Variants in ASCC3 observed in about 807,000 individuals in gnomAD.
ASCC3 encodes ASC-1 complex subunit P200.
Under a neutral mutation model 256.3 loss-of-function variants are expected in ASCC3, and 158 were observed. The ratio of observed to expected loss-of-function variants is 0.62; its 90% CI spans 0.54 to 0.70. The LOEUF (loss-of-function observed/expected upper bound fraction) is 0.70, where lower values mean the gene tolerates loss of function less well. ASCC3 is among the 30% of genes least tolerant of loss of function. The pLI is 0.00. For synonymous variants in ASCC3, 948 were observed against 883.4 expected, an observed-to-expected ratio of 1.07 and a Z score of -1.30; for missense variants, 2,259 against 2,626.0, an observed-to-expected ratio of 0.86 and a Z score of 3.05.
In ASCC3 at chr6:100,777,092, C is replaced by T. The variant is rs9404040; in HGVS notation, c.1396-9747G>A. ...TCCATGCCATAATCTACGTAAGTCA[C>T]GAGATTAAAAATCAAACAATTTACA... On this transcript the variant is annotated intron_variant, in intron 8 of 41. Coordinates refer to ENST00000369162, the MANE Select transcript of ASCC3 (RefSeq NM_006828.4). Among the ~76,000 whole-genome samples, 426 of 152,074 alleles carry T rather than the reference C, an allele frequency of 2.8e-3. 6 individuals are homozygous for T. The highest frequency in any genetic ancestry group is 0.027 in the East Asian group (139 of 5,174).
intron 32 of ASCC3, 78 bp from the exon 33 acceptor site, chr6:100,605,778 C>A: frequency 1.4e-6 from 2 of 1,455,018 alleles, no homozygotes; most frequent in South Asian, 1.2e-5. Flanking sequence ...TGGCATGCTT[C>A]TATAATCAAC....
At chr6:100,825,445 C>A (rs846779) in intron 4 of ASCC3, among the ~76,000 whole-genome samples, 4,021 of 152,180 alleles carry the variant, frequency 0.026, 184 homozygotes, top group African/African-American at 0.092. Context: ...TTAGAAATGT[C>A]CCTTTTACGG....
In ASCC3 at chr6:100,802,942, A is replaced by G. The variant is rs559318653; in HGVS notation, c.923-2438T>C. Among the ~76,000 whole-genome samples, 5 of 152,190 alleles carry G rather than the reference A, an allele frequency of 3.3e-5. No homozygotes were observed. In the South Asian group the frequency reaches 8.3e-4, roughly 25 times the overall value. ...AGGATTGCTTGAGCACAGAAAGTTGAGGCTGCAGTGATCCCTGATTGTGCC... is the reference window on the plus strand; with the variant it reads ...AGGATTGCTTGAGCACAGAAAGTTGGGGCTGCAGTGATCCCTGATTGTGCC... On this transcript the variant is annotated intron_variant, in intron 5 of 41. Transcript: ENST00000369162.
chr6:100,792,490 T>TG (rs572370188), intron 8 of ASCC3, among the ~76,000 whole-genome samples: 3 of 151,918 alleles, frequency 2.0e-5, no homozygotes, highest in Non-Finnish European at 4.4e-5. Flanking sequence ...ACATCCTTTG[T>TG]GTGGCATACA....
At chr6:100,768,769 A>G (rs2050549) in intron 8 of ASCC3, among the ~76,000 whole-genome samples, 83,386 of 151,848 alleles carry the variant, frequency 0.55, 23,256 homozygotes, top group South Asian at 0.75. Context: ...TAGAACACAC[A>G]TTCTCTTCCA....
chr6:100,730,706 C>T (rs775456452), intron 10 of ASCC3, among the ~76,000 whole-genome samples: 3 of 152,154 alleles, frequency 2.0e-5, no homozygotes, highest in Non-Finnish European at 4.4e-5. Context: ...CTCTGATATA[C>T]AAATGTCAGT....
intron 36 of ASCC3, among the ~76,000 whole-genome samples, chr6:100,584,675 G>C (rs552355137): frequency 3.3e-5 from 5 of 152,078 alleles, no homozygotes; most frequent in South Asian, 4.2e-4. Flanking sequence ...TTTCTTCCTA[G>C]TCTCGATGGT....
chr6:100,510,227 T>A, intron 40 of ASCC3, 120 bp from the exon 41 acceptor site: 1 of 1,046,444 alleles, frequency 9.6e-7, no homozygotes, highest in Non-Finnish European at 1.4e-6. Flanking sequence ...TCAGCATATC[T>A]ATCTGAGATG....
chr6:100,660,019 G>A (rs1213641701), intron 16 of ASCC3, among the ~76,000 whole-genome samples: 2 of 151,350 alleles, frequency 1.3e-5, no homozygotes, highest in East Asian at 1.9e-4. Context: ...ATTTCATGAC[G>A]TGCATGAAAG....
chr6:100,725,502 T>A (rs768454677), intron 11 of ASCC3, 37 bp downstream of exon 11: 1 of 1,602,032 alleles, frequency 6.2e-7, no homozygotes, highest in Non-Finnish European at 8.5e-7. Context: ...AACATATTTA[T>A]CCCTTCAAAA....
intron 1 of ASCC3, among the ~76,000 whole-genome samples, chr6:100,873,694 A>G (rs976265399): frequency 6.6e-6 from 1 of 152,230 alleles, no homozygotes; most frequent in African/African-American, 2.4e-5. Context: ...CAGAAACTCT[A>G]CAAGCTAGAA....
At chr6:100,702,197 G>C (rs1778389299) in intron 13 of ASCC3, among the ~76,000 whole-genome samples, 1 of 152,092 alleles carries the variant, frequency 6.6e-6, no homozygotes, top group Admixed American at 6.6e-5. Flanking sequence ...GGCTTACGTA[G>C]TGGTGGCAGA....
Position 100,626,204 on chromosome 6 carries a change from C to T in ASCC3, c.4643-870G>A, listed in dbSNP as rs527961683. ...AGGCTCCAAAAAGCTGATAAGATGC[C>T]ACGAGTAGAATATATATTTAGGTCT... On this transcript the variant is annotated intron_variant, in intron 29 of 41. Coordinates refer to ENST00000369162, the MANE Select transcript of ASCC3 (RefSeq NM_006828.4). Among the ~76,000 whole-genome samples the T allele has an allele frequency of 2.3e-3, 343 of 151,922 alleles. 1 individual carries two copies. Among genetic ancestry groups the T allele is most frequent in the African/African-American group, 7.8e-3 (324 of 41,468 alleles).
At chr6:100,659,054 T>A (rs905366152) in intron 16 of ASCC3, among the ~76,000 whole-genome samples, 5 of 151,380 alleles carry the variant, frequency 3.3e-5, no homozygotes. Flanking sequence ...TAAGCAAATG[T>A]GCCTCATAAC....
chr6:100,753,659 C>T (rs1781047518), intron 10 of ASCC3, among the ~76,000 whole-genome samples: 1 of 152,076 alleles, frequency 6.6e-6, no homozygotes, highest in Non-Finnish European at 1.5e-5. Context: ...ACTGCAGGCT[C>T]TTGCCACTGC....
At chr6:100,521,965 G>T (rs1277283823) in intron 37 of ASCC3, among the ~76,000 whole-genome samples, 1 of 152,198 alleles carries the variant, frequency 6.6e-6, no homozygotes, top group Admixed American at 6.5e-5. Context: ...CAACTGGAGA[G>T]CATGCCTGAG....
At chr6:100,541,901 A>C (rs909356761) in intron 36 of ASCC3, among the ~76,000 whole-genome samples, 3 of 152,204 alleles carry the variant, frequency 2.0e-5, no homozygotes, top group African/African-American at 7.2e-5. Flanking sequence ...TGAAAATTAC[A>C]ATGTCTGAGA....
At chr6:100,627,476 T>C (rs979254162) in intron 29 of ASCC3, 114 bp downstream of exon 29, 16 of 1,345,136 alleles carry the variant, frequency 1.2e-5, no homozygotes, top group Non-Finnish European at 1.7e-5. Flanking sequence ...GTTTTAGATA[T>C]ACGTAGAAGC....
At position 100,708,001 on chromosome 6, in the gene ASCC3, T is replaced by C. The variant is rs546143150; in HGVS notation, c.2151+7461A>G. Reference sequence around the variant, plus strand: ...CTCTCCTGCAATCTTAACATTCTGGTTTCTCTTGACCATTAACTCAAATTA... The same window carrying C: ...CTCTCCTGCAATCTTAACATTCTGGCTTCTCTTGACCATTAACTCAAATTA... On this transcript the variant is annotated intron_variant, in intron 13 of 41. Transcript: ENST00000369162. Among the ~76,000 whole-genome samples the C allele has an allele frequency of 1.8e-4, 27 of 152,218 alleles. 1 individual carries two copies. The South Asian group carries it at 4.4e-3, about 25-fold the overall frequency.
Sources: gnomAD v4.1 joint callset for allele counts (sites outside exome capture counted in the v4.1 genomes callset) on GRCh38, gnomAD v4.1.1 for gene constraint, MANE v1.5 for transcripts, NCBI Gene and HGNC (gene_info 2026-07-23, HGNC 2026-07-21) for gene names.